FSHR: variants seen among roughly 807,000 people sequenced by gnomAD.
FSHR encodes follicle-stimulating hormone receptor.
In FSHR, 46 loss-of-function variants were observed where a neutral mutation model predicts 52.1. The observed-to-expected ratio is 0.88, with a 90% CI of 0.70 to 1.13. The LOEUF is 1.13. Among genes scored for constraint, FSHR ranks in the 50% most tolerant of loss-of-function variants. The pLI, the probability that FSHR is intolerant of heterozygous loss-of-function variation, is 0.00. For missense variants in FSHR, 964 were observed against 834.6 expected (o/e 1.16, Z -1.91); for synonymous variants, 399 against 309.6 (o/e 1.29, Z -3.03).
In FSHR at chr2:48,963,291, G is replaced by C; in HGVS notation, c.1530C>G (p.Ser510Arg). ...GCAGGCAGATGCTCACCTTCATGTA[G>C]CTGCTGATGCCAAAGATGGGAAAGA... ...AALFPIFGISSYMKVSICLPM... is the reference protein window; with the variant it reads ...AALFPIFGISRYMKVSICLPM... Residue 510 changes from serine (S) to arginine (R), a missense_variant, in exon 10 of 10, where the codon AGC (serine) becomes AGG (arginine). Transcript: ENST00000406846. 1 of 1,614,080 alleles carries C rather than the reference G, an allele frequency of 6.2e-7. No individual in the cohort carries two copies. Among genetic ancestry groups the C allele is most frequent in the South Asian group, 1.1e-5 (1 of 91,046 alleles).
chr2:49,119,298 G>A (rs766344138), intron 1 of FSHR, among the ~76,000 whole-genome samples: 1 of 151,990 alleles, frequency 6.6e-6, no homozygotes, highest in Non-Finnish European at 1.5e-5. Context: ...GGCAAATTTC[G>A]GTTACATATA....
intron 6 of FSHR, among the ~76,000 whole-genome samples, chr2:48,983,702 A>G (rs1027358476): frequency 7.2e-5 from 11 of 152,212 alleles, no homozygotes; most frequent in Non-Finnish European, 1.5e-4. Context: ...CCTGTGACCC[A>G]TAGGGACCTG....
At chr2:49,050,577 C>G (rs1668819961) in intron 2 of FSHR, among the ~76,000 whole-genome samples, 1 of 152,154 alleles carries the variant, frequency 6.6e-6, no homozygotes, top group Non-Finnish European at 1.5e-5. Flanking sequence ...GCAGAAAGGA[C>G]CAGACTACCT....
intron 1 of FSHR, among the ~76,000 whole-genome samples, chr2:49,070,817 C>T (rs559684136): frequency 1.2e-4 from 19 of 152,160 alleles, no homozygotes; most frequent in African/African-American, 3.4e-4. Context: ...GACATTTTCA[C>T]GAAAAATTAC....
chr2:49,016,761 G>C (rs1667504587), intron 4 of FSHR, among the ~76,000 whole-genome samples: 1 of 150,726 alleles, frequency 6.6e-6, no homozygotes. Context: ...GATGCTAATA[G>C]ATAACAGATA....
intron 8 of FSHR, among the ~76,000 whole-genome samples, chr2:48,970,322 G>A (rs13415618): frequency 0.15 from 22,354 of 151,846 alleles, 1,914 homozygotes; most frequent in East Asian, 0.24. Flanking sequence ...TCACAATTCA[G>A]TTGAGTTTCT....
In FSHR at chr2:48,963,942, G is replaced by A. The variant is rs748551523; in HGVS notation, c.879C>T (p.Asn293=). Residue 293 remains asparagine (N), a synonymous_variant, in exon 10 of 10, where the codon AAC becomes AAT. Transcript: ENST00000406846. ...CAACTTCTTGCCTTAAAATAGATTT[G>A]TTGCAAATTGGATGAAGCTCAGAGC... The part of the protein sequence containing the change: ...RQISELHPIC[N]KSILRQEVDY... 4 of 1,613,528 alleles carry A rather than the reference G, an allele frequency of 2.5e-6. No individual in the cohort carries two copies. In the South Asian group the frequency reaches 4.4e-5, roughly 18 times the overall value.
chr2:49,074,431 A>G (rs984776676), intron 1 of FSHR, among the ~76,000 whole-genome samples: 59 of 152,152 alleles, frequency 3.9e-4, no homozygotes, highest in Non-Finnish European at 1.9e-4. Flanking sequence ...AGGTTCCCTG[A>G]TCATCAGGAA....
chr2:49,107,228 T>TA (rs1320699731), intron 1 of FSHR, among the ~76,000 whole-genome samples: 5 of 152,122 alleles, frequency 3.3e-5, no homozygotes, highest in African/African-American at 4.8e-5. Context: ...ACTTTTTTTT[T>TA]ACATGCTGTT....
intron 9 of FSHR, among the ~76,000 whole-genome samples, chr2:48,966,714 GTTGT>G (rs545237102): frequency 2.6e-4 from 39 of 152,322 alleles, no homozygotes; most frequent in Non-Finnish European, 5.4e-4. Flanking sequence ...ATTATTTTGT[GTTGT>G]TTGTGTGTGA....
chr2:48,963,627 C>T lies in FSHR; in HGVS notation c.1194G>A (p.Arg398=), dbSNP rs1201118534. The T allele has an allele frequency of 6.2e-7, 1 of 1,614,168 alleles. No homozygotes were observed. The highest frequency in any genetic ancestry group is 1.7e-5 in the Admixed American group (1 of 60,026). ...TTSQYKLTVP[R]FLMCNLAFAD... Reference sequence around the variant, plus strand: ...CAAAGGCCAGGTTGCACATAAGGAACCTGGGGACTGTGAGTTTATATTGGC... The same window carrying T: ...CAAAGGCCAGGTTGCACATAAGGAATCTGGGGACTGTGAGTTTATATTGGC... The change falls in exon 10 of 10, where the codon AGG becomes AGA. Residue 398 remains arginine, a synonymous_variant. Coordinates refer to ENST00000406846, the MANE Select transcript of FSHR (RefSeq NM_000145.4).
chr2:49,117,001 C>G (rs1373831465), intron 1 of FSHR, among the ~76,000 whole-genome samples: 1 of 152,220 alleles, frequency 6.6e-6, no homozygotes, highest in Non-Finnish European at 1.5e-5. Flanking sequence ...GAGAGGGAAG[C>G]ATTCTTCCCC....
At chr2:49,042,827 A>G (rs886492193) in intron 2 of FSHR, among the ~76,000 whole-genome samples, 5 of 152,236 alleles carry the variant, frequency 3.3e-5, no homozygotes, top group African/African-American at 1.2e-4. Flanking sequence ...TGGTTCAGTC[A>G]AACGTTTCCA....
chr2:49,138,188 G>C (rs573016797), intron 1 of FSHR, among the ~76,000 whole-genome samples: 4 of 152,238 alleles, frequency 2.6e-5, no homozygotes, highest in Admixed American at 2.6e-4. Context: ...TACTCAAGAG[G>C]ATTGCTGGAA....
At chr2:48,996,211 A>G (rs1344418237) in intron 4 of FSHR, among the ~76,000 whole-genome samples, 1 of 152,098 alleles carries the variant, frequency 6.6e-6, no homozygotes, top group African/African-American at 2.4e-5. Context: ...AGTCTCTTGC[A>G]TAAAGTTGAA....
At chr2:49,038,287 G>A (rs954023318) in intron 2 of FSHR, among the ~76,000 whole-genome samples, 4 of 152,068 alleles carry the variant, frequency 2.6e-5, no homozygotes, top group African/African-American at 9.7e-5. Flanking sequence ...GAAGTCTCTG[G>A]CAAGTAATAG....
At chr2:49,127,751 T>TTCTTTC (rs1280067475) in intron 1 of FSHR, among the ~76,000 whole-genome samples, 1 of 77,526 alleles carries the variant, frequency 1.3e-5, no homozygotes, top group African/African-American at 5.9e-5. Context: ...CTTCTTCTTC[T>TTCTTTC]TTCTTCTTCT....
intron 1 of FSHR, among the ~76,000 whole-genome samples, chr2:49,152,233 A>G (rs535496087): frequency 6.6e-6 from 1 of 152,260 alleles, no homozygotes; most frequent in South Asian, 2.1e-4. Context: ...GAATTGACCT[A>G]GAGCTAGCCT....
At chr2:49,000,356 T>C (rs1359987166) in intron 4 of FSHR, among the ~76,000 whole-genome samples, 1 of 152,146 alleles carries the variant, frequency 6.6e-6, no homozygotes, top group Non-Finnish European at 1.5e-5. Context: ...GGAGAAATCT[T>C]TGAGAAAATA....
Sources: gnomAD v4.1 joint callset for allele counts (sites outside exome capture counted in the v4.1 genomes callset) on GRCh38, gnomAD v4.1.1 for gene constraint, MANE v1.5 for transcripts, NCBI Gene and HGNC (gene_info 2026-07-23, HGNC 2026-07-21) for gene names.